Variants in TTC7A observed in about 807,000 individuals in gnomAD.
TTC7A encodes the protein tetratricopeptide repeat domain 7A.
Under a neutral mutation model 103.7 loss-of-function variants are expected in TTC7A, and 110 were observed. The observed-to-expected ratio is 1.06, with a 90% CI of 0.91 to 1.24. TTC7A has a LOEUF of 1.24. Among genes scored for constraint, TTC7A ranks in the 50% most tolerant of loss-of-function variants. The pLI, the probability that TTC7A is intolerant of heterozygous loss-of-function variation, is 0.00. For missense variants in TTC7A, 1,340 were observed against 1,116.3 expected (o/e 1.20, Z -2.86); for synonymous variants, 521 against 467.9 (o/e 1.11, Z -1.47).
Position 46,941,793 on chromosome 2 carries a change from G to T in TTC7A, c.184+68G>T, listed in dbSNP as rs1670421263. 2.0e-6 allele frequency: 3 copies of T among 1,538,072 alleles called. No homozygotes were observed. Among genetic ancestry groups the T allele is most frequent in the East Asian group, 2.5e-5 (1 of 40,704 alleles). On this transcript the variant is annotated intron_variant, in intron 1 of 19. Coordinates refer to ENST00000319190, the MANE Select transcript of TTC7A (RefSeq NM_020458.4). The surrounding 1 kb of genome is among the most constrained non-coding windows in gnomAD (Gnocchi z 4.2). The stretch of plus-strand genomic sequence containing the variant: ...AAACGCACCGCCTCCTCCAGGAAGC[G>T]CGCCCAGACAGTCCTCGGCCGACAG...
intron 3 of TTC7A, among the ~76,000 whole-genome samples, chr2:46,963,272 A>T (rs1479228290): frequency 6.6e-6 from 1 of 152,066 alleles, no homozygotes; most frequent in East Asian, 1.9e-4. Context: ...GCATTGTTTT[A>T]TACAGACAAA....
At chr2:47,045,845 T>G (rs1192494704) in intron 15 of TTC7A, among the ~76,000 whole-genome samples, 1 of 152,192 alleles carries the variant, frequency 6.6e-6, no homozygotes, top group Non-Finnish European at 1.5e-5. Context: ...TGCTCTACCT[T>G]CACTCACGGA....
At chr2:47,003,132 A>G (rs1011022572) in intron 8 of TTC7A, among the ~76,000 whole-genome samples, 1 of 152,180 alleles carries the variant, frequency 6.6e-6, no homozygotes, top group Non-Finnish European at 1.5e-5. Context: ...TCTAGGGTGG[A>G]CAGGGGGAGG....
At chr2:46,938,204 A>C (rs987394330), upstream of TTC7A, among the ~76,000 whole-genome samples, 3 of 152,206 alleles carry the variant, frequency 2.0e-5, no homozygotes, top group African/African-American at 7.2e-5. Context: ...TCAAGTCACC[A>C]ATGAAGGTGT....
intron 15 of TTC7A, among the ~76,000 whole-genome samples, chr2:47,037,512 A>G (rs1342267284): frequency 2.0e-5 from 3 of 152,220 alleles, no homozygotes; most frequent in African/African-American, 7.2e-5. Flanking sequence ...GAAGAAACTA[A>G]TGTGAAAGTT....
At chr2:47,024,155 G>A (rs1353806256) in intron 13 of TTC7A, 132 bp from the exon 14 acceptor site, 18 of 742,742 alleles carry the variant, frequency 2.4e-5, no homozygotes, top group African/African-American at 1.3e-4. Context: ...CCCCTCTGAG[G>A]CAGAGCCTGG....
chr2:46,935,688 G>A (rs1669943968), intron 2 of TTC7A, among the ~76,000 whole-genome samples: 1 of 152,184 alleles, frequency 6.6e-6, no homozygotes, highest in Admixed American at 6.5e-5. Flanking sequence ...CCCCTGACTC[G>A]GAAACAGGGT....
At chr2:46,932,275 A>C (rs931294519) in intron 2 of TTC7A, among the ~76,000 whole-genome samples, 12 of 151,484 alleles carry the variant, frequency 7.9e-5, no homozygotes, top group African/African-American at 2.9e-4. Flanking sequence ...TCAGCCTCCC[A>C]AGTAGCTGGG....
chr2:46,974,901 C>T (rs1348506596), intron 3 of TTC7A, 72 bp from the exon 4 acceptor site: 38 of 1,571,500 alleles, frequency 2.4e-5, no homozygotes, highest in African/African-American at 9.5e-5. Context: ...AGCCCACCTT[C>T]GGCCCATGGG....
rs941070225 is a variant in TTC7A, at chr2:46,941,686, C to T, written c.145C>T (p.Arg49Ter). 1 of 1,551,180 alleles carries T rather than the reference C, an allele frequency of 6.4e-7. No individual in the cohort carries two copies. The highest frequency in any genetic ancestry group is 2.4e-5 in the East Asian group (1 of 41,106). The change falls in exon 1 of 20, where the codon CGA becomes TGA. Residue 49 changes from arginine (R) to a stop codon, truncating the protein, a stop_gained. Coordinates refer to ENST00000319190, the MANE Select transcript of TTC7A (RefSeq NM_020458.4). LOFTEE classifies it high-confidence loss of function. This position sits in a 1 kb window ranked among gnomAD's most constrained non-coding sequence, Gnocchi z 4.2. ...CATGCCCGGCGGCGGAGGTAACAGG[C>T]GAGGCAGCCCGAGCGCAGCGTTCAC... is the stretch of plus-strand genomic sequence containing the variant. ...LSMPGGGGNRRGSPSAAFTFP... is the reference protein window; with the variant it reads ...LSMPGGGGNR
intron 19 of TTC7A, chr2:47,067,788 G>A (rs1198745425): frequency 1.3e-5 from 2 of 152,020 alleles, no homozygotes; most frequent in African/African-American, 4.8e-5. Flanking sequence ...TAGTGGCCCA[G>A]TCATTGGGAT....
chr2:46,953,430 C>T (rs555444246), intron 2 of TTC7A, among the ~76,000 whole-genome samples: 7 of 152,364 alleles, frequency 4.6e-5, no homozygotes, highest in Admixed American at 3.3e-4. Flanking sequence ...GCTAGGATTA[C>T]AGGCGTGAGC....
intron 5 of TTC7A, among the ~76,000 whole-genome samples, chr2:46,982,305 C>T (rs538648643): frequency 1.3e-5 from 2 of 152,012 alleles, no homozygotes; most frequent in African/African-American, 2.4e-5. Context: ...GCCTGGCAGG[C>T]GGAGGTTTCT....
upstream of TTC7A, among the ~76,000 whole-genome samples, chr2:46,936,720 G>A (rs1669997202): frequency 6.6e-6 from 1 of 152,108 alleles, no homozygotes; most frequent in Non-Finnish European, 1.5e-5. Context: ...ATTTAGAATT[G>A]CGGTAGCCAC....
chr2:46,998,103 T>G (rs1193235250), intron 8 of TTC7A, among the ~76,000 whole-genome samples: 3 of 151,928 alleles, frequency 2.0e-5, no homozygotes, highest in Non-Finnish European at 4.4e-5. Context: ...TCCTGGGAGA[T>G]TCCCTGTGGC....
chr2:47,021,736 C>T (rs1413501458), intron 11 of TTC7A, 126 bp from the exon 12 acceptor site: 47 of 762,084 alleles, frequency 6.2e-5, no homozygotes, highest in Non-Finnish European at 5.2e-5. Flanking sequence ...AAGCTTCTCC[C>T]TGTGAGAGTA....
intron 5 of TTC7A, 137 bp from the exon 6 acceptor site, chr2:46,993,313 C>A: frequency 1.3e-6 from 1 of 783,812 alleles, no homozygotes. Flanking sequence ...ACAACTCTAA[C>A]TTTTCACTCC....
At chr2:46,971,931 AAAG>A (rs1413801919) in intron 3 of TTC7A, among the ~76,000 whole-genome samples, 53 of 151,928 alleles carry the variant, frequency 3.5e-4, no homozygotes, top group African/African-American at 1.3e-3. Flanking sequence ...ACAAAAAAAA[AAAG>A]AAAGAAAGAC....
chr2:46,916,254 C>T (rs906750356), exon 1 of TTC7A: 1 of 823,612 alleles, frequency 1.2e-6, no homozygotes, highest in Admixed American at 6.2e-5. Flanking sequence ...GATGAAACGA[C>T]CACAACACGC....
Sources: gnomAD v4.1 joint callset for allele counts (sites outside exome capture counted in the v4.1 genomes callset) on GRCh38, gnomAD v4.1.1 for gene constraint, Gnocchi (gnomAD v3.1) non-coding constraint, MANE v1.5 for transcripts, NCBI Gene and HGNC (gene_info 2026-07-23, HGNC 2026-07-21) for gene names.